Variants in MYOF observed in about 807,000 individuals in gnomAD.
MYOF encodes fer-1-like 3, myoferlin.
MYOF carries 244 observed loss-of-function variants against 284.2 expected under a neutral mutation model. That is an observed-to-expected ratio of 0.86 (90% CI 0.77 to 0.95). The LOEUF (loss-of-function observed/expected upper bound fraction) is 0.95, where lower values mean the gene tolerates loss of function less well. Among genes scored for constraint, MYOF ranks in the 40% least tolerant of loss-of-function variants. MYOF has a pLI of 0.00. For missense variants in MYOF, 2,496 were observed against 2,560.6 expected (o/e 0.97, Z 0.54); for synonymous variants, 904 against 919.7 (o/e 0.98, Z 0.31).
intron 2 of MYOF, among the ~76,000 whole-genome samples, chr10:93,453,420 T>C (rs1170482952): frequency 1.3e-5 from 2 of 152,066 alleles, no homozygotes; most frequent in Admixed American, 1.3e-4. Flanking sequence ...CGCCTTGACC[T>C]CCCAAAGTGC....
At chr10:93,393,230 C>A (rs1362985997) in intron 16 of MYOF, among the ~76,000 whole-genome samples, 1 of 152,198 alleles carries the variant, frequency 6.6e-6, no homozygotes, top group Non-Finnish European at 1.5e-5. Context: ...TTCCCGGGGA[C>A]AGAGGGGGCC....
At chr10:93,331,983 C>T (rs1044211543) in intron 43 of MYOF, among the ~76,000 whole-genome samples, 2 of 152,172 alleles carry the variant, frequency 1.3e-5, no homozygotes, top group Admixed American at 1.3e-4. Context: ...TGAAACATCA[C>T]CAAGGCGGTT....
chr10:93,375,555 T>C (rs932662366), intron 22 of MYOF, among the ~76,000 whole-genome samples: 1 of 152,260 alleles, frequency 6.6e-6, no homozygotes, highest in African/African-American at 2.4e-5. Flanking sequence ...AGTTCTATTG[T>C]CTTGACCAGT....
intron 39 of MYOF, chr10:93,338,315 T>C (rs1409749609): frequency 2.2e-6 from 1 of 458,070 alleles, no homozygotes; most frequent in Admixed American, 2.3e-5. Flanking sequence ...TTTTAGCCAG[T>C]AATGCCTTGT....
rs565119410 is a variant in MYOF at position 93,372,841 on chromosome 10, A to C, written c.2457+89T>G. On this transcript the variant is annotated intron_variant, in intron 24 of 53. Transcript: ENST00000359263. ...TGATCCCAATCACCCTTACCATTCA[A>C]TGATTTGCAAATGATATAAAGCAGA... is the stretch of plus-strand genomic sequence containing the variant. 3.4e-6 allele frequency: 5 copies of C among 1,465,478 alleles called. No homozygotes were observed. The African/African-American group carries it at 6.9e-5, about 20-fold the overall frequency. The allele number at this position is 1,465,478 out of a possible 1,614,324, so 90.8% of individuals were successfully genotyped here.
At chr10:93,409,836 T>C in intron 5 of MYOF, 97 bp from the exon 6 acceptor site, 1 of 1,451,998 alleles carries the variant, frequency 6.9e-7, no homozygotes, top group Non-Finnish European at 9.4e-7. Context: ...TGCCATTATG[T>C]TTTAAGTGTT....
intron 7 of MYOF, among the ~76,000 whole-genome samples, chr10:93,406,685 G>T (rs1847608236): frequency 6.6e-6 from 1 of 151,884 alleles, no homozygotes; most frequent in Non-Finnish European, 1.5e-5. Context: ...ACTGTACTTG[G>T]CTGCCTGCTG....
intron 32 of MYOF, among the ~76,000 whole-genome samples, chr10:93,352,491 G>A (rs1844570912): frequency 6.6e-6 from 1 of 152,222 alleles, no homozygotes; most frequent in South Asian, 2.1e-4. Context: ...ATCTGTGACA[G>A]CAGAAAACTT....
chr10:93,435,294 G>A (rs1240927380), intron 3 of MYOF, among the ~76,000 whole-genome samples: 1 of 152,170 alleles, frequency 6.6e-6, no homozygotes, highest in East Asian at 1.9e-4. Flanking sequence ...TAGAAAGAGG[G>A]CCAGCCTGGG....
chr10:93,437,879 C>T (rs1849198611), intron 3 of MYOF, among the ~76,000 whole-genome samples: 1 of 152,174 alleles, frequency 6.6e-6, no homozygotes, highest in Admixed American at 6.5e-5. Flanking sequence ...GCCAAGGATG[C>T]TCCCTGTGAA....
chr10:93,458,745 T>G (rs2056805399), intron 1 of MYOF, among the ~76,000 whole-genome samples: 1 of 152,058 alleles, frequency 6.6e-6, no homozygotes, highest in Non-Finnish European at 1.5e-5. Flanking sequence ...AAAAAACAAA[T>G]AAGTCACCCA....
chr10:93,317,250 C>T (rs970414822), intron 49 of MYOF, among the ~76,000 whole-genome samples: 2 of 118,124 alleles, frequency 1.7e-5, no homozygotes, highest in Admixed American at 1.0e-4. Flanking sequence ...AGTATGCTCT[C>T]ATTTTACATG....
At position 93,310,585 on chromosome 10, in the gene MYOF, G is replaced by T; in HGVS notation, c.5948C>A (p.Ala1983Asp). ...LNEKEADERPAGKGRDEPNMN... is the reference protein window; with the variant it reads ...LNEKEADERPDGKGRDEPNMN... ...GTTGGGTTCGTCCCGCCCCTTCCCG[G>T]CTGGCCTCTCGTCGGCCTCCTTCTC... is the stretch of plus-strand genomic sequence containing the variant. Residue 1983 changes from alanine (A) to aspartate (D), a missense_variant, in exon 52 of 54, where the codon GCC (alanine) becomes GAC (aspartate). By Grantham distance (126) the Ala-to-Asp change is moderately radical. Around this residue, in one of 3 missense-constraint regions of MYOF, gnomAD observed 2,436 missense variants for 2,480.7 expected, o/e 0.98. Transcript: ENST00000359263. 1 of 1,613,330 alleles carries T rather than the reference G, an allele frequency of 6.2e-7. No individual in the cohort carries two copies. Among genetic ancestry groups the T allele is most frequent in the Non-Finnish European group, 8.5e-7 (1 of 1,179,640 alleles).
chr10:93,408,017 T>C (rs191399613), intron 7 of MYOF, among the ~76,000 whole-genome samples: 19 of 152,214 alleles, frequency 1.2e-4, no homozygotes, highest in Admixed American at 1.2e-3. Context: ...ACAGCATCTC[T>C]GAGAACCACT....
chr10:93,477,582 C>A (rs112849909), intron 1 of MYOF, among the ~76,000 whole-genome samples: 1 of 152,256 alleles, frequency 6.6e-6, no homozygotes, highest in Admixed American at 6.5e-5. Context: ...GGCGCAGTGG[C>A]TCACGCCTGT....
In MYOF at chr10:93,333,201, C is replaced by T. The variant is rs1564625521; in HGVS notation, c.4811+20G>A. Reference sequence around the variant, plus strand: ...CGTGGAGAAATGAAGGCCAGAAAAACATTTAAGAATGTATATTACCTGCCA... The same window carrying T: ...CGTGGAGAAATGAAGGCCAGAAAAATATTTAAGAATGTATATTACCTGCCA... On this transcript the variant is annotated intron_variant, in intron 43 of 53. Coordinates refer to ENST00000359263, the MANE Select transcript of MYOF (RefSeq NM_013451.4). The T allele has an allele frequency of 6.2e-7, 1 of 1,600,456 alleles. No individual in the cohort carries two copies. The highest frequency in any genetic ancestry group is 1.3e-5 in the African/African-American group (1 of 74,762).
intron 19 of MYOF, among the ~76,000 whole-genome samples, chr10:93,384,144 C>T (rs976597499): frequency 5.3e-5 from 8 of 152,180 alleles, no homozygotes; most frequent in Admixed American, 1.3e-4. Flanking sequence ...GGAGGGGCAA[C>T]GCTACCATCT....
intron 3 of MYOF, among the ~76,000 whole-genome samples, chr10:93,448,570 T>G (rs2056503028): frequency 6.6e-6 from 1 of 152,184 alleles, no homozygotes; most frequent in African/African-American, 2.4e-5. Flanking sequence ...ATTGCCATGC[T>G]AAAATAGATA....
chr10:93,461,402 G>T (rs560652874), intron 1 of MYOF, among the ~76,000 whole-genome samples: 2 of 152,212 alleles, frequency 1.3e-5, no homozygotes, highest in Non-Finnish European at 2.9e-5. Flanking sequence ...CTAGTGGGGA[G>T]AGGAAATGTG....
Sources: gnomAD v4.1 joint callset for allele counts (sites outside exome capture counted in the v4.1 genomes callset) on GRCh38, gnomAD v4.1.1 for gene constraint, gnomAD v4.1.1 regional missense constraint, MANE v1.5 for transcripts, NCBI Gene and HGNC (gene_info 2026-07-23, HGNC 2026-07-21) for gene names.